CRISP2: variants seen among roughly 807,000 people sequenced by gnomAD.
CRISP2 encodes cysteine-rich secretory protein 2.
CRISP2 carries 29 observed loss-of-function variants against 31.7 expected under a neutral mutation model. The observed-to-expected ratio is 0.92, with a 90% CI of 0.68 to 1.25. CRISP2 has a LOEUF of 1.25. Among genes scored for constraint, CRISP2 ranks in the 50% most tolerant of loss-of-function variants. The pLI, the probability that CRISP2 is intolerant of heterozygous loss-of-function variation, is 0.00. For synonymous variants in CRISP2, 111 were observed against 101.4 expected (o/e 1.09, Z -0.57); for missense variants, 318 against 286.5 (o/e 1.11, Z -0.79).
the CRISP2 span, among the ~76,000 whole-genome samples, chr6:49,683,774 C>CCTGACTACCAT: frequency 7.8e-6 from 1 of 128,306 alleles, no homozygotes; most frequent in African/African-American, 2.9e-5. Flanking sequence ...ATATTCTAAG[C>CCTGACTACCAT]CTGACTACCA....
At chr6:49,676,814 G>A in the CRISP2 span, among the ~76,000 whole-genome samples, 1 of 152,272 alleles carries the variant, frequency 6.6e-6, no homozygotes. Context: ...TAAGGGGGAT[G>A]TAATCATCAG....
At chr6:49,698,995 A>G (rs79182646) in intron 6 of CRISP2, among the ~76,000 whole-genome samples, 1 of 152,114 alleles carries the variant, frequency 6.6e-6, no homozygotes, top group East Asian at 1.9e-4. Flanking sequence ...GACACCAGGA[A>G]GGATAACAGT....
chr6:49,696,824 A>C (rs1582036969), intron 8 of CRISP2, among the ~76,000 whole-genome samples: 1 of 152,028 alleles, frequency 6.6e-6, no homozygotes, highest in Non-Finnish European at 1.5e-5. Flanking sequence ...TGTGTGTATG[A>C]GCTCTTGGAA....
intron 5 of CRISP2, 106 bp downstream of exon 5, chr6:49,700,562 A>T: frequency 1.4e-6 from 1 of 725,314 alleles, no homozygotes; most frequent in South Asian, 1.6e-5. Flanking sequence ...AACAAAACAG[A>T]GACACAACTT....
Position 49,698,376 on chromosome 6 carries a change from C to T in CRISP2, c.403G>A (p.Gly135Arg). The change falls in exon 7 of 10, where the codon GGA becomes AGA. Residue 135 changes from glycine (G) to arginine (R), a missense_variant. Transcript: ENST00000339139. ...VGPKSPNAVVGHYTQLVWYST... is the reference protein window; with the variant it reads ...VGPKSPNAVVRHYTQLVWYST... ...ATTCTTCTTACCTGAGTATAATGTCCAACAACTGCATTGGGACTCTTTGGT... is the reference window on the plus strand; with the variant it reads ...ATTCTTCTTACCTGAGTATAATGTCTAACAACTGCATTGGGACTCTTTGGT... The T allele has an allele frequency of 6.2e-7, 1 of 1,613,030 alleles. No homozygotes were observed. The highest frequency in any genetic ancestry group is 8.5e-7 in the Non-Finnish European group (1 of 1,179,516).
intron 3 of CRISP2, among the ~76,000 whole-genome samples, chr6:49,710,600 T>G (rs1441698067): frequency 6.6e-6 from 1 of 152,178 alleles, no homozygotes; most frequent in Non-Finnish European, 1.5e-5. Flanking sequence ...TACAATATAC[T>G]TAAACAGCCA....
intron 4 of CRISP2, 43 bp downstream of exon 4, chr6:49,709,088 A>C (rs774603689): frequency 6.4e-7 from 1 of 1,565,710 alleles, no homozygotes. Context: ...CATACCACAA[A>C]GTTGCTGGAT....
chr6:49,691,579 C>T (rs970711684), downstream of CRISP2, among the ~76,000 whole-genome samples: 5 of 151,870 alleles, frequency 3.3e-5, no homozygotes, highest in Admixed American at 2.6e-4. Flanking sequence ...CTCATGATAG[C>T]GATAGATCTC....
chr6:49,677,510 G>A, the CRISP2 span, among the ~76,000 whole-genome samples: 1 of 152,070 alleles, frequency 6.6e-6, no homozygotes, highest in East Asian at 1.9e-4. Context: ...TTTGTTTTTG[G>A]TAGATTGAAG....
chr6:49,705,239 G>A (rs1237925007), intron 4 of CRISP2, among the ~76,000 whole-genome samples: 1 of 152,022 alleles, frequency 6.6e-6, no homozygotes, highest in Non-Finnish European at 1.5e-5. Context: ...TATGTTCCAA[G>A]GGGGCTATGG....
intron 4 of CRISP2, among the ~76,000 whole-genome samples, chr6:49,702,749 T>G (rs2127417211): frequency 6.6e-6 from 1 of 152,222 alleles, no homozygotes; most frequent in East Asian, 1.9e-4. Context: ...ATTCTGTGGG[T>G]TTTATGTTTA....
At chr6:49,682,605 T>C in the CRISP2 span, among the ~76,000 whole-genome samples, 40 of 65,434 alleles carry the variant, frequency 6.1e-4, no homozygotes, top group Non-Finnish European at 9.7e-4. Context: ...CTTTCTTTCT[T>C]TCTTTCTTTC....
chr6:49,700,849 AG>A, intron 4 of CRISP2, 65 bp from the exon 5 acceptor site: 1 of 1,012,734 alleles, frequency 9.9e-7, no homozygotes, highest in South Asian at 1.4e-5. Context: ...ATAGTGAATA[AG>A]TTAATTCAAG....
At chr6:49,694,558 TC>T (rs1483074858) in intron 9 of CRISP2, among the ~76,000 whole-genome samples, 1 of 151,926 alleles carries the variant, frequency 6.6e-6, no homozygotes, top group African/African-American at 2.4e-5. Flanking sequence ...CACACTTCCT[TC>T]TCTTTCCCCC....
the CRISP2 span, among the ~76,000 whole-genome samples, chr6:49,681,750 A>G: frequency 6.6e-6 from 1 of 152,078 alleles, no homozygotes; most frequent in Non-Finnish European, 1.5e-5. Flanking sequence ...CTGGCCTCAA[A>G]CTACTGAGTT....
At chr6:49,698,313 C>T (rs773703388) in intron 7 of CRISP2, 49 bp downstream of exon 7, 2 of 1,595,282 alleles carry the variant, frequency 1.3e-6, no homozygotes, top group South Asian at 1.1e-5. Flanking sequence ...GAGAAGCTTT[C>T]CTCTATTAGA....
intron 5 of CRISP2, among the ~76,000 whole-genome samples, 182 bp from the exon 6 acceptor site, chr6:49,700,073 C>T (rs1337659141): frequency 1.3e-5 from 2 of 151,844 alleles, no homozygotes; most frequent in Non-Finnish European, 2.9e-5. Flanking sequence ...ATGGGTAGTC[C>T]ATAGGTAATA....
downstream of CRISP2, among the ~76,000 whole-genome samples, chr6:49,690,027 T>C (rs1763998818): frequency 6.6e-6 from 1 of 152,184 alleles, no homozygotes; most frequent in Non-Finnish European, 1.5e-5. Flanking sequence ...CAGTCAGCAA[T>C]TTAAAGAGAA....
chr6:49,678,892 T>C, the CRISP2 span, among the ~76,000 whole-genome samples: 5 of 152,176 alleles, frequency 3.3e-5, no homozygotes, highest in Admixed American at 6.6e-5. Context: ...TAGCTACTTA[T>C]GTCTGTTGTA....
Sources: gnomAD v4.1 joint callset for allele counts (sites outside exome capture counted in the v4.1 genomes callset) on GRCh38, gnomAD v4.1.1 for gene constraint, MANE v1.5 for transcripts, NCBI Gene and HGNC (gene_info 2026-07-23, HGNC 2026-07-21) for gene names.